Variants in SENP1 observed in about 807,000 individuals in gnomAD.
SENP1 encodes SUMO specific peptidase 1, also known as sentrin-specific protease 1.
In SENP1, 21 loss-of-function variants were observed where a neutral mutation model predicts 93.0. That is an observed-to-expected ratio of 0.23 (90% CI 0.16 to 0.33). The LOEUF is 0.33. Among genes scored for constraint, SENP1 ranks in the 10% least tolerant of loss-of-function variants. The probability of loss-of-function intolerance (pLI) is 1.00; values close to 1 mark genes in which losing one functional copy is unlikely to be tolerated. For missense variants in SENP1, 591 were observed against 758.7 expected, an observed-to-expected ratio of 0.78 and a Z score of 2.60; for synonymous variants, 256 against 259.6, an observed-to-expected ratio of 0.99 and a Z score of 0.13.
At chr12:48,072,152 T>C (rs1943749778) in intron 8 of SENP1, among the ~76,000 whole-genome samples, 1 of 152,178 alleles carries the variant, frequency 6.6e-6, no homozygotes, top group African/African-American at 2.4e-5. Flanking sequence ...CAGAAATAAT[T>C]AGTAAATTTT....
Position 48,096,333 on chromosome 12 carries a change from T to C in SENP1, c.220+10A>G. ...TATAAAGTCCCTTGACTCCAAGTAA[T>C]GTGTCATACCTGAGTAATAGCTTGG... On this transcript the variant is annotated intron_variant, in intron 4 of 17. Transcript: ENST00000549518. 2 of 1,528,962 alleles carry C rather than the reference T, an allele frequency of 1.3e-6. No individual in the cohort carries two copies. The highest frequency in any genetic ancestry group is 4.5e-5 in the East Asian group (2 of 44,252). The allele number at this position is 1,528,962 out of a possible 1,614,324, so 94.7% of individuals were successfully genotyped here.
At chr12:48,063,203 T>TA (rs1943074067) in intron 13 of SENP1, among the ~76,000 whole-genome samples, 1 of 152,200 alleles carries the variant, frequency 6.6e-6, no homozygotes, top group Non-Finnish European at 1.5e-5. Flanking sequence ...AATAATAATA[T>TA]AACTTTTTCA....
intron 13 of SENP1, among the ~76,000 whole-genome samples, chr12:48,057,603 A>G (rs1037283221): frequency 1.7e-4 from 19 of 114,942 alleles, no homozygotes; most frequent in African/African-American, 6.9e-4. Flanking sequence ...TATTTTATAT[A>G]TTTTATATAT....
rs780934653 is a variant in SENP1, at chr12:48,065,192, T to C, written c.1148A>G (p.His383Arg). The C allele has an allele frequency of 1.4e-5, 22 of 1,608,038 alleles. No homozygotes were observed. The highest frequency in any genetic ancestry group is 3.3e-4 in the Middle Eastern group (2 of 6,048). Residue 383 changes from histidine to arginine, a missense_variant, in exon 12 of 18, where the codon CAT becomes CGT. By Grantham distance (29) the His-to-Arg change is conservative. Transcript: ENST00000549518. The part of the protein sequence containing the change: ...QRLQEREHSV[H>R]DSVELHLRVP... ...ACGAAGATGTAGTTCTACTGAATCA[T>C]GTACTGAATGTTCCCGCTCCTGCAA...
rs1032124750 is a variant in SENP1, at chr12:48,096,370, C to T, written c.193G>A (p.Ala65Thr). Reference protein sequence around the residue: ...DRSFTCSTRSAAYNPSYYSDN... With the variant: ...DRSFTCSTRSTAYNPSYYSDN... The stretch of plus-strand genomic sequence containing the variant: ...GAGTAATAGCTTGGATTATAAGCTG[C>T]ACTTCTTGTGGAACATGTAAAAGAT... The change falls in exon 4 of 18, where the codon GCA becomes ACA. Residue 65 changes from alanine (A) to threonine (T), a missense_variant. Coordinates refer to ENST00000549518, the MANE Select transcript of SENP1 (RefSeq NM_001267594.2). 3 of 1,608,360 alleles carry T rather than the reference C, an allele frequency of 1.9e-6. No homozygotes were observed. Among genetic ancestry groups the T allele is most frequent in the Admixed American group, 3.3e-5 (2 of 59,928 alleles).
chr12:48,043,629 G>A lies in SENP1; in HGVS notation c.*1693C>T, dbSNP rs1941147833. On this transcript the variant is annotated 3_prime_UTR_variant, in exon 18 of 18. Coordinates refer to ENST00000549518, the MANE Select transcript of SENP1 (RefSeq NM_001267594.2). Reference sequence around the variant, plus strand: ...ACAAAGAAAAAGAAAGAAAAATAAAGAGAGATAGAAAGAGAAAGGGAAAGA... The same window carrying A: ...ACAAAGAAAAAGAAAGAAAAATAAAAAGAGATAGAAAGAGAAAGGGAAAGA... 6.6e-6 allele frequency: 1 copy of A among 152,430 alleles called. No homozygotes were observed. Among genetic ancestry groups the A allele is most frequent in the Non-Finnish European group, 1.5e-5 (1 of 67,988 alleles). The allele number at this position is 152,430 out of a possible 1,614,324, so 9.4% of individuals were successfully genotyped here.
At chr12:48,071,529 T>C (rs1943699116) in intron 9 of SENP1, 138 bp downstream of exon 9, 2 of 550,356 alleles carry the variant, frequency 3.6e-6, no homozygotes, top group Admixed American at 3.0e-5. Flanking sequence ...GGCAGAAGAA[T>C]TGCTTGAACC....
At chr12:48,056,111 T>A (rs1268791073) in intron 13 of SENP1, among the ~76,000 whole-genome samples, 1 of 120,192 alleles carries the variant, frequency 8.3e-6, no homozygotes, top group African/African-American at 3.4e-5. Flanking sequence ...TTATTTAATA[T>A]ATATTTAAAA....
rs1186281732 is a variant in SENP1, at chr12:48,088,925, C to T, written c.256G>A (p.Asp86Asn). Reference sequence around the variant, plus strand: ...GCACTCTGGCCAAAGGTTCTTAAATCGCCTGAGCCAAGAAAACTGTCTGAG... The same window carrying T: ...GCACTCTGGCCAAAGGTTCTTAAATTGCCTGAGCCAAGAAAACTGTCTGAG... ...PSSDSFLGSG[D>N]LRTFGQSANG... The change falls in exon 5 of 18, where the codon GAT (aspartate) becomes AAT (asparagine). Residue 86 changes from aspartate (D) to asparagine (N), a missense_variant. Physicochemically the swap from Asp to Asn is conservative, Grantham distance 23. Coordinates refer to ENST00000549518, the MANE Select transcript of SENP1 (RefSeq NM_001267594.2). 6 of 1,594,486 alleles carry T rather than the reference C, an allele frequency of 3.8e-6. No individual in the cohort carries two copies. The highest frequency in any genetic ancestry group is 2.3e-5 in the East Asian group (1 of 44,268).
chr12:48,088,699 G>C, intron 5 of SENP1, 102 bp downstream of exon 5: 2 of 1,097,180 alleles, frequency 1.8e-6, no homozygotes, highest in South Asian at 2.9e-5. Flanking sequence ...TCCAAAAATG[G>C]TGTTACTCTT....
At chr12:48,087,288 T>C (rs1944945592) in intron 5 of SENP1, among the ~76,000 whole-genome samples, 1 of 152,214 alleles carries the variant, frequency 6.6e-6, no homozygotes, top group Non-Finnish European at 1.5e-5. Flanking sequence ...TACTAAGATA[T>C]TACAGAGTTG....
chr12:48,084,447 GTTT>G lies in SENP1; in HGVS notation c.381-688_381-686del, dbSNP rs5798059. ...TATATCTAAGGCTTACTAATTTTGAGTTTTTTTTTTTTTTTTTTTTGAGATGGA... is the reference window on the plus strand; with the variant it reads ...TATATCTAAGGCTTACTAATTTTGAGTTTTTTTTTTTTTTTTTGAGATGGA... On this transcript the variant is annotated intron_variant, in intron 5 of 17. Coordinates refer to ENST00000549518, the MANE Select transcript of SENP1 (RefSeq NM_001267594.2). Among the ~76,000 whole-genome samples the G allele has an allele frequency of 2.6e-3, 282 of 109,442 alleles. 2 individuals are homozygous for G. The highest frequency in any genetic ancestry group is 8.2e-3 in the African/African-American group (246 of 29,878). 71.8% of individuals were successfully genotyped at this position (109,442 alleles called of 152,430 possible). A position where few individuals can be genotyped will look rare whatever the true frequency, so the allele number is the denominator to read the frequency against.
intron 13 of SENP1, among the ~76,000 whole-genome samples, 197 bp from the exon 14 acceptor site, chr12:48,049,329 G>C (rs1261782584): frequency 3.3e-5 from 5 of 152,192 alleles, no homozygotes; most frequent in Non-Finnish European, 5.9e-5. Context: ...ATGGTGAAAA[G>C]AGAAAAAGCT....
At chr12:48,048,414 AC>A (rs1941537534) in intron 14 of SENP1, among the ~76,000 whole-genome samples, 1 of 152,216 alleles carries the variant, frequency 6.6e-6, no homozygotes, top group South Asian at 2.1e-4. Context: ...AATCACTTCC[AC>A]AAAGTTTCAG....
At chr12:48,060,717 G>A (rs1942902042) in intron 13 of SENP1, among the ~76,000 whole-genome samples, 1 of 152,042 alleles carries the variant, frequency 6.6e-6, no homozygotes, top group Non-Finnish European at 1.5e-5. Context: ...CTCAGTGTTC[G>A]GATTACAGGC....
intron 1 of SENP1, chr12:48,105,477 GTTTC>G (rs1327798669): frequency 1.9e-6 from 1 of 519,110 alleles, no homozygotes; most frequent in Admixed American, 1.9e-5. Flanking sequence ...GGGTCCAGAC[GTTTC>G]TTTCTGATGG....
intron 5 of SENP1, chr12:48,085,287 C>T (rs1253092808): frequency 1.3e-6 from 2 of 1,540,084 alleles, no homozygotes; most frequent in African/African-American, 1.4e-5. Context: ...GATGGTGCAG[C>T]ATGCCCTGGA....
At chr12:48,086,169 G>T (rs565759623) in intron 5 of SENP1, among the ~76,000 whole-genome samples, 1 of 152,156 alleles carries the variant, frequency 6.6e-6, no homozygotes, top group Non-Finnish European at 1.5e-5. Flanking sequence ...AACATATGAA[G>T]TGTCTATTTT....
intron 13 of SENP1, 108 bp downstream of exon 13, chr12:48,063,602 C>T (rs3742074): frequency 0.21 from 226,399 of 1,087,912 alleles, 29,354 homozygotes; most frequent in East Asian, 0.56. Flanking sequence ...GAGATGATTC[C>T]AATGCAGGTC....
Sources: allele counts gnomAD v4.1 joint callset (sites outside exome capture counted in the v4.1 genomes callset), GRCh38; gene constraint gnomAD v4.1.1; transcripts MANE v1.5; gene names NCBI Gene and HGNC (gene_info 2026-07-23, HGNC 2026-07-21).